C16orf74: variants seen among roughly 807,000 people sequenced by gnomAD.
C16orf74 encodes uncharacterized protein C16orf74.
A neutral mutation model predicts 6.5 loss-of-function variants in C16orf74; 10 were observed. The observed-to-expected ratio is 1.54, with a 90% CI of 0.95 to 2.61. The LOEUF is 2.61. Ranked by LOEUF, C16orf74 falls within the 30% of genes most tolerant of loss-of-function variation. The pLI is 0.00. For missense variants in C16orf74, 141 were observed against 105.9 expected (o/e 1.33, Z -1.45); for synonymous variants, 60 against 42.5 (o/e 1.41, Z -1.60).
rs776687320 is a variant in C16orf74, at chr16:85,707,841, A to C, written c.*167T>G. The C allele has an allele frequency of 3.7e-5, 23 of 617,056 alleles. No homozygotes were observed. Among genetic ancestry groups the C allele is most frequent in the Non-Finnish European group, 6.0e-5 (21 of 348,966 alleles). The allele number at this position is 617,056 out of a possible 1,614,324, so 38.2% of individuals were successfully genotyped here. ...GGGAAACACTGTTCTGGAAGTGGACAGGCTGGATTCCTCGCTGGTCCTGCC... is the reference window on the plus strand; with the variant it reads ...GGGAAACACTGTTCTGGAAGTGGACCGGCTGGATTCCTCGCTGGTCCTGCC... On this transcript the variant is annotated 3_prime_UTR_variant, in exon 4 of 4. Transcript: ENST00000284245.
intron 2 of C16orf74, among the ~76,000 whole-genome samples, chr16:85,715,156 CA>C (rs59013269): frequency 0.64 from 80,086 of 125,400 alleles, 23,743 homozygotes; most frequent in East Asian, 0.85. Flanking sequence ...GACTCCGTCT[CA>C]AAAAAAAAAA....
intron 2 of C16orf74, among the ~76,000 whole-genome samples, chr16:85,733,945 C>G (rs1229572782): frequency 2.0e-5 from 3 of 152,208 alleles, no homozygotes; most frequent in Admixed American, 6.5e-5. Context: ...GGCCTAAGAC[C>G]TAAACTGGGC....
At chr16:85,722,799 C>T (rs2054095771) in intron 2 of C16orf74, among the ~76,000 whole-genome samples, 1 of 152,244 alleles carries the variant, frequency 6.6e-6, no homozygotes, top group Non-Finnish European at 1.5e-5. Flanking sequence ...GAGACAAGTG[C>T]AGTGACAGGT....
At chr16:85,717,369 T>G (rs1444726048) in intron 2 of C16orf74, among the ~76,000 whole-genome samples, 1 of 152,132 alleles carries the variant, frequency 6.6e-6, no homozygotes, top group Non-Finnish European at 1.5e-5. Context: ...AGTGCCAGGA[T>G]TTTGAAAAAC....
intron 1 of C16orf74, among the ~76,000 whole-genome samples, chr16:85,748,937 T>A (rs201560192): frequency 1.9e-3 from 21 of 11,194 alleles, no homozygotes; most frequent in Admixed American, 5.3e-3. Context: ...TTTTTTTTTT[T>A]TTTTTTTTTT....
chr16:85,723,335 G>A (rs1358658612), intron 2 of C16orf74, among the ~76,000 whole-genome samples: 1 of 151,022 alleles, frequency 6.6e-6, no homozygotes, highest in African/African-American at 2.4e-5. Flanking sequence ...GGCCGAGGAA[G>A]GAGGACAACT....
At chr16:85,750,529 C>T (rs181302490) in intron 1 of C16orf74, among the ~76,000 whole-genome samples, 4 of 152,246 alleles carry the variant, frequency 2.6e-5, no homozygotes, top group Admixed American at 1.3e-4. Context: ...GAAATGGTTC[C>T]TCGGGAGGCC....
At chr16:85,722,974 C>G (rs2054097612) in intron 2 of C16orf74, among the ~76,000 whole-genome samples, 1 of 152,194 alleles carries the variant, frequency 6.6e-6, no homozygotes, top group Admixed American at 6.5e-5. Flanking sequence ...TGCCCAAGAT[C>G]ACACAGCTAA....
At chr16:85,722,847 C>A (rs766123009) in intron 2 of C16orf74, among the ~76,000 whole-genome samples, 28 of 152,336 alleles carry the variant, frequency 1.8e-4, no homozygotes, top group Non-Finnish European at 3.8e-4. Context: ...GTGCACCAGG[C>A]GCCACGGTGC....
At position 85,719,879 on chromosome 16, in the gene C16orf74, G is replaced by C. The variant is rs10153057; in HGVS notation, c.29-9572C>G. On this transcript the variant is annotated intron_variant, in intron 2 of 3. Transcript: ENST00000284245. Reference sequence around the variant, plus strand: ...ACACAAAGGCCCTGAGGCAGGAACAGAGGGGCCACAGGCCACAGCACACGC... The same window carrying C: ...ACACAAAGGCCCTGAGGCAGGAACACAGGGGCCACAGGCCACAGCACACGC... Among the ~76,000 whole-genome samples the C allele has an allele frequency of 4.6e-3, 654 of 141,774 alleles. 12 individuals are homozygous for C. Among genetic ancestry groups the C allele is most frequent in the African/African-American group, 0.018 (597 of 32,956 alleles). The allele number at this position is 141,774 out of a possible 152,430, so 93.0% of individuals were successfully genotyped here.
intron 1 of C16orf74, among the ~76,000 whole-genome samples, chr16:85,746,250 C>T (rs1567814823): frequency 6.6e-6 from 1 of 151,938 alleles, no homozygotes; most frequent in Non-Finnish European, 1.5e-5. Flanking sequence ...CTAGGGAGGC[C>T]GAGGCAGGAG....
At chr16:85,727,568 G>T (rs2054146654) in intron 2 of C16orf74, among the ~76,000 whole-genome samples, 1 of 151,838 alleles carries the variant, frequency 6.6e-6, no homozygotes, top group South Asian at 2.1e-4. Context: ...CCAGCACTTT[G>T]GCAGGTTGAG....
intron 1 of C16orf74, among the ~76,000 whole-genome samples, chr16:85,745,884 T>C (rs2054368094): frequency 2.0e-5 from 3 of 152,206 alleles, no homozygotes. Context: ...TTACCACTTG[T>C]GTGGATCACA....
chr16:85,712,919 C>A (rs1256387770), intron 2 of C16orf74, among the ~76,000 whole-genome samples: 1 of 152,186 alleles, frequency 6.6e-6, no homozygotes, highest in Non-Finnish European at 1.5e-5. Flanking sequence ...GGCTCCGGGT[C>A]ATGCCCGGAG....
At chr16:85,711,203 A>T (rs1173257394) in intron 2 of C16orf74, among the ~76,000 whole-genome samples, 1 of 151,542 alleles carries the variant, frequency 6.6e-6, no homozygotes, top group Admixed American at 6.6e-5. Context: ...AATCCCAGCT[A>T]CTCAGGAGCT....
At chr16:85,723,142 C>A (rs1369168182) in intron 2 of C16orf74, among the ~76,000 whole-genome samples, 2 of 151,916 alleles carry the variant, frequency 1.3e-5, no homozygotes, top group African/African-American at 4.8e-5. Context: ...TGCCTGTAAT[C>A]CCAGCTACTT....
intron 3 of C16orf74, among the ~76,000 whole-genome samples, chr16:85,709,817 A>T (rs891301644): frequency 6.6e-6 from 1 of 152,216 alleles, no homozygotes; most frequent in Non-Finnish European, 1.5e-5. Context: ...AGCGGCCAAC[A>T]AGATGGAGCA....
At chr16:85,725,859 T>C (rs1212707092) in intron 2 of C16orf74, among the ~76,000 whole-genome samples, 1 of 152,160 alleles carries the variant, frequency 6.6e-6, no homozygotes, top group Non-Finnish European at 1.5e-5. Context: ...CCACCTTGGC[T>C]TTCCGAAGTG....
chr16:85,731,150 T>G (rs2054183477), intron 2 of C16orf74, among the ~76,000 whole-genome samples: 1 of 152,176 alleles, frequency 6.6e-6, no homozygotes, highest in Non-Finnish European at 1.5e-5. Context: ...ATAAAACCTG[T>G]GGGCTGGATG....
Sources: allele counts gnomAD v4.1 joint callset (sites outside exome capture counted in the v4.1 genomes callset), GRCh38; gene constraint gnomAD v4.1.1; transcripts MANE v1.5; gene names NCBI Gene and HGNC (gene_info 2026-07-23, HGNC 2026-07-21).